Variants in GTF2IRD1 observed in about 807,000 individuals in gnomAD.
The protein encoded by GTF2IRD1 is general transcription factor II-I repeat domain-containing protein 1.
Under a neutral mutation model 113.2 loss-of-function variants are expected in GTF2IRD1, and 26 were observed. The ratio of observed to expected loss-of-function variants is 0.23; its 90% confidence interval spans 0.17 to 0.32. The LOEUF is 0.32. GTF2IRD1 is among the 10% of genes least tolerant of loss of function. The pLI is 1.00. For synonymous variants in GTF2IRD1, 484 were observed against 529.1 expected, an observed-to-expected ratio of 0.91 and a Z score of 1.17; for missense variants, 864 against 1,280.8, an observed-to-expected ratio of 0.67 and a Z score of 4.97.
At chr7:74,540,257 C>T (rs1562851072) in intron 14 of GTF2IRD1, among the ~76,000 whole-genome samples, 1 of 152,164 alleles carries the variant, frequency 6.6e-6, no homozygotes, top group Non-Finnish European at 1.5e-5. Flanking sequence ...AGTGATTCTC[C>T]TGCCTCAGCC....
chr7:74,499,416 G>A (rs1208008974), intron 1 of GTF2IRD1, among the ~76,000 whole-genome samples: 1 of 151,806 alleles, frequency 6.6e-6, no homozygotes. Flanking sequence ...AGGAAGGAAG[G>A]AAGGAAGAGA....
At position 74,524,019 on chromosome 7, in the gene GTF2IRD1, G is replaced by A. The variant is rs1452664809; in HGVS notation, c.1007-52G>A. ...CCGGTGGTCATGGCCGGTGGAGGGC[G>A]TGTGACCGTCCCGTGGGGCCCTGCT... On this transcript the variant is annotated intron_variant, in intron 7 of 26. Transcript: ENST00000424337. 52 of 1,292,508 alleles carry A rather than the reference G, an allele frequency of 4.0e-5. 1 individual carries two copies. The South Asian group carries it at 4.5e-4, about 11-fold the overall frequency. The allele number at this position is 1,292,508 out of a possible 1,614,324, so 80.1% of individuals were successfully genotyped here.
chr7:74,552,383 A>AG (rs1799364657), intron 17 of GTF2IRD1, among the ~76,000 whole-genome samples: 1 of 151,990 alleles, frequency 6.6e-6, no homozygotes, highest in Non-Finnish European at 1.5e-5. Context: ...AGGCATGGTG[A>AG]GGGGGTCCTG....
intron 22 of GTF2IRD1, among the ~76,000 whole-genome samples, chr7:74,569,973 G>A (rs1391719455): frequency 6.6e-6 from 1 of 152,174 alleles, no homozygotes; most frequent in Admixed American, 6.5e-5. Context: ...TCGGAGGAAA[G>A]GGCGACTGTG....
intron 1 of GTF2IRD1, among the ~76,000 whole-genome samples, chr7:74,468,973 T>G (rs891342677): frequency 2.0e-5 from 3 of 151,192 alleles, no homozygotes; most frequent in Admixed American, 1.3e-4. Flanking sequence ...TAGTCCCAGC[T>G]ACTCGGGAGG....
intron 22 of GTF2IRD1, among the ~76,000 whole-genome samples, chr7:74,588,106 CTTTTTT>C (rs781908698): frequency 7.4e-6 from 1 of 135,022 alleles, no homozygotes; most frequent in African/African-American, 2.8e-5. Flanking sequence ...CTTTTCTTTT[CTTTTTT>C]TTTTTTTTTT....
chr7:74,536,350 G>A, intron 11 of GTF2IRD1, 75 bp downstream of exon 11: 1 of 897,302 alleles, frequency 1.1e-6, no homozygotes, highest in South Asian at 1.4e-5. Flanking sequence ...CCTGCAAGGG[G>A]GTACCCAGGG....
intron 4 of GTF2IRD1, among the ~76,000 whole-genome samples, chr7:74,515,985 C>CCCCAT (rs1197658618): frequency 3.9e-5 from 6 of 152,170 alleles, no homozygotes; most frequent in Non-Finnish European, 1.5e-5. Context: ...TTCGGGGGCT[C>CCCCAT]CCCATCACCC....
At chr7:74,489,366 G>A (rs1425907739) in intron 1 of GTF2IRD1, among the ~76,000 whole-genome samples, 8 of 151,680 alleles carry the variant, frequency 5.3e-5, no homozygotes, top group Middle Eastern at 3.2e-3. Flanking sequence ...TATTTGAGAC[G>A]GAGTCTTGCT....
chr7:74,455,927 C>G (rs781797579), intron 1 of GTF2IRD1, among the ~76,000 whole-genome samples: 3 of 152,134 alleles, frequency 2.0e-5, no homozygotes, highest in Non-Finnish European at 2.9e-5. Flanking sequence ...AACTTAAGGC[C>G]GATGGTTGTA....
intron 1 of GTF2IRD1, among the ~76,000 whole-genome samples, chr7:74,467,122 T>C (rs1793772503): frequency 6.6e-6 from 1 of 152,090 alleles, no homozygotes; most frequent in Non-Finnish European, 1.5e-5. Context: ...CTAGTTTTTG[T>C]ATTTTTAGTA....
At chr7:74,594,009 C>T (rs782156950) in intron 24 of GTF2IRD1, among the ~76,000 whole-genome samples, 11 of 151,752 alleles carry the variant, frequency 7.2e-5, no homozygotes, top group Non-Finnish European at 1.3e-4. Flanking sequence ...ACCAGCCTGG[C>T]CAACATAGTG....
At chr7:74,574,892 C>T (rs1800933497) in intron 22 of GTF2IRD1, among the ~76,000 whole-genome samples, 1 of 151,674 alleles carries the variant, frequency 6.6e-6, no homozygotes, top group African/African-American at 2.4e-5. Context: ...AGTTTGAGAC[C>T]AGCCTGGCTA....
At chr7:74,496,639 TGTGTGC>T (rs1158355806) in intron 1 of GTF2IRD1, among the ~76,000 whole-genome samples, 2 of 150,064 alleles carry the variant, frequency 1.3e-5, no homozygotes, top group Non-Finnish European at 3.0e-5. Flanking sequence ...TGTGCATGTA[TGTGTGC>T]GTGTGGGTGT....
chr7:74,528,803 G>GTGGATGGATGGA (rs1243826177), intron 8 of GTF2IRD1, among the ~76,000 whole-genome samples: 1 of 51,348 alleles, frequency 1.9e-5, no homozygotes, highest in African/African-American at 8.4e-5. Flanking sequence ...GGGTGGGTGG[G>GTGGATGGATGGA]TGGATGGATG....
chr7:74,459,788 G>A (rs1793242258), intron 1 of GTF2IRD1, among the ~76,000 whole-genome samples: 1 of 152,120 alleles, frequency 6.6e-6, no homozygotes. Flanking sequence ...CTGAACTGGA[G>A]GTCTTGCATT....
chr7:74,558,878 A>G lies in GTF2IRD1; in HGVS notation c.2125A>G (p.Lys709Glu), dbSNP rs1237058123. ...NKKYGEALGI[K>E]YPVQVPYKRI... ...GCCCACAGGGGAAGCCTTGGGCATC[A>G]AGTACCCGGTCCAGGTCCCCTACAA... Residue 709 changes from lysine to glutamate, a missense_variant, in exon 21 of 27, where the codon AAG becomes GAG. Transcript: ENST00000424337. The G allele has an allele frequency of 6.2e-7, 1 of 1,613,014 alleles. No individual in the cohort carries two copies. Among genetic ancestry groups the G allele is most frequent in the Non-Finnish European group, 8.5e-7 (1 of 1,179,546 alleles).
At chr7:74,484,835 C>CCTTT (rs1429090255) in intron 1 of GTF2IRD1, among the ~76,000 whole-genome samples, 2 of 152,136 alleles carry the variant, frequency 1.3e-5, no homozygotes, top group Admixed American at 6.6e-5. Flanking sequence ...TCATCGGACG[C>CCTTT]TGGGACGGTT....
At chr7:74,470,336 A>C (rs1477752677) in intron 1 of GTF2IRD1, among the ~76,000 whole-genome samples, 1 of 152,094 alleles carries the variant, frequency 6.6e-6, no homozygotes, top group Admixed American at 6.6e-5. Flanking sequence ...ATCATCATGA[A>C]GTTGTGTGAC....
Sources: allele counts gnomAD v4.1 joint callset (sites outside exome capture counted in the v4.1 genomes callset), GRCh38; gene constraint gnomAD v4.1.1; transcripts MANE v1.5; gene names NCBI Gene and HGNC (gene_info 2026-07-23, HGNC 2026-07-21).